Variants in PPM1L observed in about 807,000 individuals in gnomAD.
PPM1L encodes protein phosphatase, Mg2+/Mn2+ dependent 1L, also known as protein phosphatase 1L.
In PPM1L, 13 loss-of-function variants were observed where a neutral mutation model predicts 31.4. The ratio of observed to expected loss-of-function variants is 0.41; its 90% CI spans 0.27 to 0.66. The LOEUF (loss-of-function observed/expected upper bound fraction) is 0.66. PPM1L is among the 30% of genes least tolerant of loss of function. The pLI, the probability that PPM1L is intolerant of heterozygous loss-of-function variation, is 0.29. For missense variants in PPM1L, 326 were observed against 453.7 expected (o/e 0.72, Z 2.56); for synonymous variants, 184 against 175.4 (o/e 1.05, Z -0.39).
intron 1 of PPM1L, among the ~76,000 whole-genome samples, chr3:160,875,117 G>A (rs969488837): frequency 3.9e-5 from 6 of 152,120 alleles, no homozygotes; most frequent in African/African-American, 1.2e-4. Flanking sequence ...TATATTTCCA[G>A]AATGATGGCT....
intron 1 of PPM1L, among the ~76,000 whole-genome samples, chr3:160,873,320 A>G (rs1461499954): frequency 6.6e-6 from 1 of 152,216 alleles, no homozygotes; most frequent in African/African-American, 2.4e-5. Context: ...AATCAGCTGC[A>G]TAAATTTCTG....
At chr3:160,983,659 C>T (rs1377807498) in intron 2 of PPM1L, among the ~76,000 whole-genome samples, 2 of 152,160 alleles carry the variant, frequency 1.3e-5, no homozygotes, top group Non-Finnish European at 2.9e-5. Context: ...TGTGGGTTGG[C>T]GATCAGTGCA....
At chr3:161,046,110 C>CAAAAAAAAAA (rs58794623) in intron 2 of PPM1L, among the ~76,000 whole-genome samples, 19 of 50,294 alleles carry the variant, frequency 3.8e-4, no homozygotes, top group African/African-American at 7.1e-4. Context: ...GACTCTGTCT[C>CAAAAAAAAAA]AAAAAAAAAA....
intron 1 of PPM1L, among the ~76,000 whole-genome samples, chr3:160,809,135 A>G (rs1456569376): frequency 6.6e-6 from 1 of 152,234 alleles, no homozygotes; most frequent in Admixed American, 6.5e-5. Context: ...CTGTTTGGAA[A>G]TGTAAAGTTC....
At chr3:160,906,249 C>T (rs994729453) in intron 1 of PPM1L, among the ~76,000 whole-genome samples, 10 of 152,142 alleles carry the variant, frequency 6.6e-5, no homozygotes, top group Non-Finnish European at 1.5e-4. Flanking sequence ...TGCATAACAA[C>T]ATACCCTAAA....
At chr3:161,050,995 A>G (rs776556559) in intron 2 of PPM1L, among the ~76,000 whole-genome samples, 2 of 152,182 alleles carry the variant, frequency 1.3e-5, no homozygotes, top group Non-Finnish European at 2.9e-5. Flanking sequence ...TATTCTACAG[A>G]TTGCTTCTTT....
intron 1 of PPM1L, among the ~76,000 whole-genome samples, chr3:160,952,711 G>A (rs1406994256): frequency 6.6e-6 from 1 of 152,168 alleles, no homozygotes; most frequent in African/African-American, 2.4e-5. Flanking sequence ...GTTGACATGA[G>A]TGCAAAGATC....
chr3:160,757,787 T>TC (rs1180913844), intron 1 of PPM1L, among the ~76,000 whole-genome samples: 2 of 152,120 alleles, frequency 1.3e-5, no homozygotes, highest in Non-Finnish European at 2.9e-5. Context: ...ATTACACCCC[T>TC]CCCCCGAACT....
intron 2 of PPM1L, among the ~76,000 whole-genome samples, chr3:161,025,495 T>C (rs182473668): frequency 6.6e-6 from 1 of 151,818 alleles, no homozygotes; most frequent in East Asian, 1.9e-4. Context: ...TCCTTTGAGT[T>C]AAGGAGTTCG....
intron 2 of PPM1L, among the ~76,000 whole-genome samples, chr3:160,995,256 C>T (rs180715708): frequency 2.3e-3 from 355 of 152,074 alleles, no homozygotes; most frequent in African/African-American, 8.3e-3. Flanking sequence ...TTTTTCAGTC[C>T]GCTATGAAGA....
intron 1 of PPM1L, among the ~76,000 whole-genome samples, chr3:160,889,903 CAT>C (rs1309994710): frequency 6.6e-6 from 1 of 152,198 alleles, no homozygotes; most frequent in Non-Finnish European, 1.5e-5. Context: ...GACAGAACCA[CAT>C]GATTATCTCA....
At chr3:161,016,389 A>G (rs1718088974) in intron 2 of PPM1L, among the ~76,000 whole-genome samples, 1 of 152,210 alleles carries the variant, frequency 6.6e-6, no homozygotes, top group Non-Finnish European at 1.5e-5. Context: ...GCAAACAAAT[A>G]TTTCCAGTAC....
chr3:161,044,883 C>T (rs565669036), intron 2 of PPM1L, among the ~76,000 whole-genome samples: 1 of 152,058 alleles, frequency 6.6e-6, no homozygotes, highest in East Asian at 1.9e-4. Context: ...ACCCATCTCA[C>T]GTGCAGAGAC....
intron 1 of PPM1L, among the ~76,000 whole-genome samples, chr3:160,799,568 C>G (rs1712362454): frequency 6.6e-6 from 1 of 152,090 alleles, no homozygotes; most frequent in African/African-American, 2.4e-5. Context: ...ACTGGGAAAC[C>G]AAGTTTGTGT....
chr3:161,036,730 C>A (rs1718752505), intron 2 of PPM1L, among the ~76,000 whole-genome samples: 1 of 152,158 alleles, frequency 6.6e-6, no homozygotes. Context: ...TCATTATCAA[C>A]CTGTGGTCAC....
chr3:160,762,709 G>A (rs768138772), intron 1 of PPM1L, among the ~76,000 whole-genome samples: 1 of 152,100 alleles, frequency 6.6e-6, no homozygotes, highest in Non-Finnish European at 1.5e-5. Context: ...GCGATTGGGT[G>A]GAGAAAGGAG....
chr3:160,808,772 A>T (rs925295778), intron 1 of PPM1L, among the ~76,000 whole-genome samples: 11 of 152,154 alleles, frequency 7.2e-5, no homozygotes, highest in Admixed American at 5.9e-4. Flanking sequence ...ACTCAGCTGG[A>T]TCTCTCTTCA....
chr3:160,851,787 A>G (rs1325173722), intron 1 of PPM1L, among the ~76,000 whole-genome samples: 1 of 152,120 alleles, frequency 6.6e-6, no homozygotes, highest in Non-Finnish European at 1.5e-5. Flanking sequence ...GGAAGGAGGA[A>G]GGTGGAAAGG....
At chr3:161,022,127 A>G (rs1348706118) in intron 2 of PPM1L, 2 of 667,690 alleles carry the variant, frequency 3.0e-6, no homozygotes, top group Admixed American at 4.5e-5. Flanking sequence ...TTCTGTTTTA[A>G]TTCCATTTTT....
Sources: allele counts gnomAD v4.1 joint callset (sites outside exome capture counted in the v4.1 genomes callset), GRCh38; gene constraint gnomAD v4.1.1; transcripts MANE v1.5; gene names NCBI Gene and HGNC (gene_info 2026-07-23, HGNC 2026-07-21).